The following IPCEF1 variants were observed in gnomAD, a reference collection of about 807,000 sequenced individuals.
The protein encoded by IPCEF1 is interaction protein for cytohesin exchange factors 1, also known as interactor protein for cytohesin exchange factors 1.
In IPCEF1, 31 loss-of-function variants were observed where a neutral mutation model predicts 50.9. The observed-to-expected ratio is 0.61, with a 90% CI of 0.46 to 0.82. The LOEUF (loss-of-function observed/expected upper bound fraction) is 0.82. IPCEF1 is among the 40% of genes least tolerant of loss of function. IPCEF1 has a pLI of 0.00. For synonymous variants in IPCEF1, 181 were observed against 192.0 expected (o/e 0.94, Z 0.47); for missense variants, 458 against 514.0 (o/e 0.89, Z 1.05).
intron 2 of IPCEF1, among the ~76,000 whole-genome samples, chr6:154,278,768 A>T (rs1782130495): frequency 6.6e-6 from 1 of 151,990 alleles, no homozygotes; most frequent in African/African-American, 2.4e-5. Flanking sequence ...GATTGTCAGT[A>T]TTTTCAAATG....
chr6:154,187,243 A>G (rs1459680275), intron 10 of IPCEF1, among the ~76,000 whole-genome samples: 1 of 151,882 alleles, frequency 6.6e-6, no homozygotes, highest in African/African-American at 2.4e-5. Flanking sequence ...ACCCCACCCC[A>G]TACCCCACCT....
intron 1 of IPCEF1, among the ~76,000 whole-genome samples, chr6:154,305,679 T>C (rs570564948): frequency 6.6e-6 from 1 of 152,308 alleles, no homozygotes; most frequent in Admixed American, 6.5e-5. Flanking sequence ...GTCAGTGGAC[T>C]GGGAGAGGCA....
chr6:154,317,231 T>G (rs1375155711), intron 1 of IPCEF1, among the ~76,000 whole-genome samples: 1 of 151,954 alleles, frequency 6.6e-6, no homozygotes, highest in Non-Finnish European at 1.5e-5. Flanking sequence ...AACTCGATAA[T>G]AAAATGACAA....
chr6:154,229,616 A>G (rs1031716348), intron 5 of IPCEF1, among the ~76,000 whole-genome samples: 2 of 151,898 alleles, frequency 1.3e-5, no homozygotes, highest in East Asian at 3.9e-4. Context: ...TTGGCCTCCC[A>G]ATGTGCTGGG....
rs564924976 is a variant in IPCEF1, at chr6:154,262,960, G to A, written c.36+2952C>T. Among the ~76,000 whole-genome samples the A allele has an allele frequency of 1.4e-4, 21 of 151,634 alleles. No homozygotes were observed. In the East Asian group the frequency reaches 4.1e-3, roughly 29 times the overall value. Reference sequence around the variant, plus strand: ...CCCAGCTAATTTTTGTATTTTAGTAGAGACAGTGTTTCACCATGTTGGCCA... The same window carrying A: ...CCCAGCTAATTTTTGTATTTTAGTAAAGACAGTGTTTCACCATGTTGGCCA... On this transcript the variant is annotated intron_variant, in intron 3 of 11. Transcript: ENST00000367220.
At chr6:154,338,202 G>A (rs138633553) in intron 1 of IPCEF1, among the ~76,000 whole-genome samples, 2 of 152,284 alleles carry the variant, frequency 1.3e-5, no homozygotes, top group Non-Finnish European at 2.9e-5. Context: ...TGTATTCTTA[G>A]CCTTGCACTT....
At chr6:154,178,169 T>C (rs1408490246) in intron 10 of IPCEF1, among the ~76,000 whole-genome samples, 1 of 152,084 alleles carries the variant, frequency 6.6e-6, no homozygotes, top group Non-Finnish European at 1.5e-5. Context: ...GGGATAGCGT[T>C]AGGAGAAATA....
At chr6:154,288,253 A>G (rs557635773) in intron 2 of IPCEF1, among the ~76,000 whole-genome samples, 1 of 152,372 alleles carries the variant, frequency 6.6e-6, no homozygotes, top group East Asian at 1.9e-4. Context: ...GACAATAGTG[A>G]TTATTGTCTG....
rs541762043 is a variant in IPCEF1 at position 154,333,159 on chromosome 6, T to C, written c.-62+23513A>G. Among the ~76,000 whole-genome samples the C allele has an allele frequency of 8.3e-4, 127 of 152,310 alleles. 1 individual carries two copies. Among genetic ancestry groups the C allele is most frequent in the African/African-American group, 2.9e-3 (122 of 41,568 alleles). ...TCTTCAAACAAGCCAATTCATTTAG[T>C]TGTTTTTTGTGATGATTAATACTGA... On this transcript the variant is annotated intron_variant, in intron 1 of 11. Coordinates refer to ENST00000367220, the MANE Select transcript of IPCEF1 (RefSeq NM_001130700.2).
intron 1 of IPCEF1, among the ~76,000 whole-genome samples, chr6:154,321,352 A>C (rs1311644132): frequency 2.6e-5 from 4 of 152,136 alleles, no homozygotes; most frequent in Admixed American, 2.6e-4. Context: ...TGTATAAATA[A>C]AACCTACAGA....
At chr6:154,165,487 T>C (rs911542816) in intron 11 of IPCEF1, among the ~76,000 whole-genome samples, 28 of 152,234 alleles carry the variant, frequency 1.8e-4, no homozygotes, top group Non-Finnish European at 3.7e-4. Flanking sequence ...CACATCAGCA[T>C]GTCCTCCTAC....
intron 7 of IPCEF1, among the ~76,000 whole-genome samples, chr6:154,218,744 A>G (rs986763450): frequency 5.3e-5 from 8 of 152,228 alleles, no homozygotes; most frequent in African/African-American, 1.9e-4. Flanking sequence ...AAACATGAGA[A>G]GTTATTATAA....
Position 154,168,278 on chromosome 6 carries a change from T to C in IPCEF1, c.911-165A>G, listed in dbSNP as rs1180761936. Among the ~76,000 whole-genome samples, 1 of 152,208 alleles carries C rather than the reference T, an allele frequency of 6.6e-6. No individual in the cohort carries two copies. The highest frequency in any genetic ancestry group is 6.5e-5 in the Admixed American group (1 of 15,284). On this transcript the variant is annotated intron_variant, in intron 10 of 11. Coordinates refer to ENST00000367220, the MANE Select transcript of IPCEF1 (RefSeq NM_001130700.2). The surrounding 1 kb of genome is among the most constrained non-coding windows in gnomAD (Gnocchi z 4.1). ...ATGTTTGCTGTCTAAGCCACCCAGT[T>C]TGCGATACTTTGTTACTGCAGAGCC... is the stretch of plus-strand genomic sequence containing the variant.
At chr6:154,193,646 G>C (rs1802129254) in intron 10 of IPCEF1, among the ~76,000 whole-genome samples, 1 of 152,190 alleles carries the variant, frequency 6.6e-6, no homozygotes, top group Non-Finnish European at 1.5e-5. Context: ...TTATAAGAAA[G>C]AGAAGAAAAA....
chr6:154,260,026 G>A (rs959837786), intron 3 of IPCEF1, among the ~76,000 whole-genome samples: 2 of 152,212 alleles, frequency 1.3e-5, no homozygotes, highest in African/African-American at 4.8e-5. Context: ...GGAGTGAGCG[G>A]TGAGACATGC....
At chr6:154,162,670 TA>T (rs2128548865) in intron 11 of IPCEF1, among the ~76,000 whole-genome samples, 1 of 151,340 alleles carries the variant, frequency 6.6e-6, no homozygotes, top group South Asian at 2.1e-4. Flanking sequence ...TGGAGTGTTC[TA>T]AAGCCCCAGC....
intron 1 of IPCEF1, among the ~76,000 whole-genome samples, chr6:154,323,502 C>T (rs1445004791): frequency 3.4e-5 from 5 of 149,044 alleles, no homozygotes; most frequent in Admixed American, 6.7e-5. Context: ...TAGAAATAAA[C>T]ATTTATTTGG....
intron 10 of IPCEF1, among the ~76,000 whole-genome samples, chr6:154,170,116 A>G (rs901891101): frequency 1.2e-4 from 18 of 152,330 alleles, no homozygotes; most frequent in African/African-American, 4.1e-4. Context: ...GAGGTTACTC[A>G]AAGAAAATCT....
rs71021040 is a variant in IPCEF1, at chr6:154,313,067, C to CAAAAAAAAAAAAAAAAAAAAAAAAAAAA, written c.-61-23312_-61-23311insTTTTTTTTTTTTTTTTTTTTTTTTTTTT. Among the ~76,000 whole-genome samples the CAAAAAAAAAAAAAAAAAAAAAAAAAAAA allele has an allele frequency of 1.5e-4, 9 of 59,034 alleles. 2 individuals are homozygous for CAAAAAAAAAAAAAAAAAAAAAAAAAAAA. The highest frequency in any genetic ancestry group is 9.4e-4 in the African/African-American group (9 of 9,544). The allele number at this position is 59,034 out of a possible 152,430, so 38.7% of individuals were successfully genotyped here. ...CACTGCAGGCTGTGAGGCCCTGTCTCAAAAAAAAAAAAAAAAAAACATGGC... is the reference window on the plus strand; with the variant it reads ...CACTGCAGGCTGTGAGGCCCTGTCTCAAAAAAAAAAAAAAAAAAAAAAAAAAAAAAAAAAAAAAAAAAAAAAACATGGC... On this transcript the variant is annotated intron_variant, in intron 1 of 11. Transcript: ENST00000367220.
Sources: allele counts gnomAD v4.1 joint callset (sites outside exome capture counted in the v4.1 genomes callset), GRCh38; gene constraint gnomAD v4.1.1; non-coding constraint Gnocchi (gnomAD v3.1); transcripts MANE v1.5; gene names NCBI Gene and HGNC (gene_info 2026-07-23, HGNC 2026-07-21).